Variants in AIDA observed in about 807,000 individuals in gnomAD.
The protein encoded by AIDA is axin interactor, dorsalization associated, also known as axin interactor, dorsalization-associated protein.
Under a neutral mutation model 42.7 loss-of-function variants are expected in AIDA, and 18 were observed. The observed-to-expected ratio is 0.42, with a 90% CI of 0.29 to 0.63. The LOEUF (loss-of-function observed/expected upper bound fraction) is 0.63. Among genes scored for constraint, AIDA ranks in the 20% least tolerant of loss-of-function variants. The pLI, the probability that AIDA is intolerant of heterozygous loss-of-function variation, is 0.19. For missense variants in AIDA, 250 were observed against 354.1 expected, an observed-to-expected ratio of 0.71 and a Z score of 2.36; for synonymous variants, 104 against 122.9, an observed-to-expected ratio of 0.85 and a Z score of 1.02.
At chr1:222,681,791 T>G (rs1664658604) in intron 6 of AIDA, among the ~76,000 whole-genome samples, 1 of 152,124 alleles carries the variant, frequency 6.6e-6, no homozygotes, top group African/African-American at 2.4e-5. Flanking sequence ...TGCAAGCAAG[T>G]CCTCTGTCCA....
chr1:222,709,326 G>T (rs1227834316), intron 1 of AIDA, among the ~76,000 whole-genome samples: 1 of 152,104 alleles, frequency 6.6e-6, no homozygotes, highest in East Asian at 1.9e-4. Flanking sequence ...AGCTACTCAG[G>T]AGGCTGAGGC....
At chr1:222,709,336 C>CT (rs1655928734) in intron 1 of AIDA, among the ~76,000 whole-genome samples, 3 of 152,030 alleles carry the variant, frequency 2.0e-5, no homozygotes, top group Admixed American at 1.3e-4. Flanking sequence ...GAGGCTGAGG[C>CT]AGGAGAATTG....
At chr1:222,701,710 T>C (rs1655711421) in intron 2 of AIDA, among the ~76,000 whole-genome samples, 1 of 152,150 alleles carries the variant, frequency 6.6e-6, no homozygotes, top group South Asian at 2.1e-4. Context: ...AAAAAAATAT[T>C]CTTTTTTTAA....
chr1:222,697,102 C>G (rs920413753), intron 2 of AIDA, among the ~76,000 whole-genome samples: 2 of 151,912 alleles, frequency 1.3e-5, no homozygotes, highest in Admixed American at 6.6e-5. Context: ...ACCACCGCGC[C>G]CGGCTAATTT....
Position 222,700,753 on chromosome 1 carries a change from T to A in AIDA, c.180+2395A>T, listed in dbSNP as rs1294331901. Among the ~76,000 whole-genome samples the A allele has an allele frequency of 2.2e-4, 29 of 133,812 alleles. No individual in the cohort carries two copies. The South Asian group carries it at 3.8e-3, about 17-fold the overall frequency. 87.8% of individuals were successfully genotyped at this position (133,812 alleles called of 152,430 possible). On this transcript the variant is annotated intron_variant, in intron 2 of 9. Transcript: ENST00000340020. ...CTGGGTGACAGAGCAAGACTCCGTCTCAAAAAAAAAAAAAAAGATCTGCGG... is the reference window on the plus strand; with the variant it reads ...CTGGGTGACAGAGCAAGACTCCGTCACAAAAAAAAAAAAAAAGATCTGCGG...
chr1:222,687,560 T>G, intron 5 of AIDA, 35 bp downstream of exon 5: 1 of 1,456,142 alleles, frequency 6.9e-7, no homozygotes, highest in Non-Finnish European at 9.3e-7. Flanking sequence ...AGGTATAAAA[T>G]AAAATAAGAA....
intron 6 of AIDA, among the ~76,000 whole-genome samples, chr1:222,679,490 A>T (rs1300734073): frequency 1.3e-5 from 2 of 152,234 alleles, no homozygotes; most frequent in African/African-American, 4.8e-5. Flanking sequence ...AATAATAAAC[A>T]GCCAACTTTT....
chr1:222,679,847 C>A (rs1664622384), intron 6 of AIDA, among the ~76,000 whole-genome samples: 1 of 152,182 alleles, frequency 6.6e-6, no homozygotes, highest in South Asian at 2.1e-4. Context: ...AACATATGCA[C>A]AGATTCTGAG....
At chr1:222,686,305 G>C (rs1655180012) in intron 6 of AIDA, among the ~76,000 whole-genome samples, 1 of 152,200 alleles carries the variant, frequency 6.6e-6, no homozygotes, top group Non-Finnish European at 1.5e-5. Flanking sequence ...ATTTGGGGAG[G>C]GTTCCCACCA....
chr1:222,689,172 T>C (rs1655277679), intron 4 of AIDA, among the ~76,000 whole-genome samples: 1 of 151,864 alleles, frequency 6.6e-6, no homozygotes, highest in Non-Finnish European at 1.5e-5. Context: ...GCGCATTGGT[T>C]CACACCTGTA....
chr1:222,680,021 G>C lies in AIDA; in HGVS notation c.461-3803C>G, dbSNP rs1227656273. Among the ~76,000 whole-genome samples the C allele has an allele frequency of 2.0e-5, 3 of 152,218 alleles. No individual in the cohort carries two copies. In the East Asian group the frequency reaches 5.8e-4, roughly 29 times the overall value. On this transcript the variant is annotated intron_variant, in intron 6 of 9. Coordinates refer to ENST00000340020, the MANE Select transcript of AIDA (RefSeq NM_022831.4). Reference sequence around the variant, plus strand: ...AACTCGCTAGGAGCTCCACGCAAAAGAGTGATTTCTATCAATGCACTGCCT... The same window carrying C: ...AACTCGCTAGGAGCTCCACGCAAAACAGTGATTTCTATCAATGCACTGCCT...
intron 6 of AIDA, among the ~76,000 whole-genome samples, chr1:222,682,947 T>A (rs111260685): frequency 7.7e-4 from 118 of 152,338 alleles, no homozygotes; most frequent in Non-Finnish European, 1.5e-3. Context: ...ATTTATTTGT[T>A]TGAATTGCTG....
intron 6 of AIDA, among the ~76,000 whole-genome samples, chr1:222,678,035 C>T (rs1359221842): frequency 6.6e-6 from 1 of 152,088 alleles, no homozygotes; most frequent in Non-Finnish European, 1.5e-5. Flanking sequence ...CTGAACTCTC[C>T]TTTAAAGGGA....
chr1:222,677,354 A>G (rs1273363305), intron 6 of AIDA, among the ~76,000 whole-genome samples: 2 of 152,190 alleles, frequency 1.3e-5, no homozygotes, highest in Non-Finnish European at 2.9e-5. Context: ...CATATTCATA[A>G]CATCTGCAAA....
chr1:222,710,996 A>C (rs561076159), intron 1 of AIDA, among the ~76,000 whole-genome samples: 131 of 152,178 alleles, frequency 8.6e-4, no homozygotes, highest in Non-Finnish European at 1.7e-3. Flanking sequence ...CTTAATAGAT[A>C]AAAACAAATA....
chr1:222,685,254 T>C (rs906547706), intron 6 of AIDA, among the ~76,000 whole-genome samples: 7 of 152,200 alleles, frequency 4.6e-5, no homozygotes, highest in African/African-American at 7.2e-5. Context: ...TGCTAAATGG[T>C]TTATACTTAG....
intron 2 of AIDA, among the ~76,000 whole-genome samples, chr1:222,697,151 C>T (rs1385496488): frequency 6.6e-6 from 1 of 151,774 alleles, no homozygotes; most frequent in East Asian, 1.9e-4. Flanking sequence ...CCATGTTGGC[C>T]AGGCTGGTCT....
chr1:222,672,639 GGCA>G (rs1381888454), intron 8 of AIDA, among the ~76,000 whole-genome samples: 3 of 152,198 alleles, frequency 2.0e-5, no homozygotes, highest in Non-Finnish European at 4.4e-5. Flanking sequence ...GAACAGAGGA[GGCA>G]GCAGCACCAG....
At position 222,668,917 on chromosome 1, in the gene AIDA, G is replaced by A. The variant is rs1335467962; in HGVS notation, c.*976C>T. 2 of 151,136 alleles carry A rather than the reference G, an allele frequency of 1.3e-5. No homozygotes were observed. The highest frequency in any genetic ancestry group is 2.1e-4 in the South Asian group (1 of 4,776). 9.4% of individuals were successfully genotyped at this position (151,136 alleles called of 1,614,324 possible). On this transcript the variant is annotated 3_prime_UTR_variant, in exon 10 of 10. Transcript: ENST00000340020. ...TATATCTAAATAGGAAATAAATGGC[G>A]ATCCTATCTACCTATATAAAAAAAA... is the stretch of plus-strand genomic sequence containing the variant.
Sources: allele counts gnomAD v4.1 joint callset (sites outside exome capture counted in the v4.1 genomes callset), GRCh38; gene constraint gnomAD v4.1.1; transcripts MANE v1.5; gene names NCBI Gene and HGNC (gene_info 2026-07-23, HGNC 2026-07-21).